Variants in CDH18 observed in about 807,000 individuals in gnomAD.
The protein encoded by CDH18 is cadherin 18, also known as cadherin-18.
A neutral mutation model predicts 67.9 loss-of-function variants in CDH18; 31 were observed. That is an observed-to-expected ratio of 0.46 (90% CI 0.34 to 0.62). The LOEUF (loss-of-function observed/expected upper bound fraction) is 0.62, where lower values mean the gene tolerates loss of function less well. Among genes scored for constraint, CDH18 ranks in the 20% least tolerant of loss-of-function variants. The pLI is 0.01. For missense variants in CDH18, 890 were observed against 975.5 expected (o/e 0.91, Z 1.17); for synonymous variants, 362 against 347.2 (o/e 1.04, Z -0.48).
At chr5:19,704,506 G>C (rs187163629) in intron 5 of CDH18, among the ~76,000 whole-genome samples, 23 of 152,264 alleles carry the variant, frequency 1.5e-4, no homozygotes, top group Admixed American at 5.2e-4. Flanking sequence ...TACGTGAAGA[G>C]GGGTATGTCC....
intron 1 of CDH18, among the ~76,000 whole-genome samples, chr5:20,311,756 C>T (rs1479744312): frequency 6.6e-6 from 1 of 152,094 alleles, no homozygotes; most frequent in Non-Finnish European, 1.5e-5. Context: ...AACAAAACTG[C>T]ACTTTCTGTG....
In CDH18 at chr5:19,741,865, A is replaced by T. The variant is rs149615590; in HGVS notation, c.523+5077T>A. On this transcript the variant is annotated intron_variant, in intron 4 of 12. Transcript: ENST00000382275. ...TTGTGGGAGGAACACCACCGCATTT[A>T]TTAGGTACAGGCCATGACTGCTACT... 5.5e-3 allele frequency among the ~76,000 whole-genome samples: 839 copies of T among 152,214 alleles called. 2 individuals carry two copies. Among genetic ancestry groups the T allele is most frequent in the African/African-American group, 0.019 (807 of 41,536 alleles).
chr5:19,631,324 G>A (rs1752384028), intron 5 of CDH18, among the ~76,000 whole-genome samples: 1 of 152,030 alleles, frequency 6.6e-6, no homozygotes, highest in Non-Finnish European at 1.5e-5. Context: ...GAAACATAAT[G>A]CTTTTCCATT....
At chr5:20,332,812 C>T (rs1019698865) in intron 1 of CDH18, among the ~76,000 whole-genome samples, 4 of 152,040 alleles carry the variant, frequency 2.6e-5, no homozygotes, top group African/African-American at 9.7e-5. Context: ...GCTGAAAAGT[C>T]TTCTGAAAAC....
intron 1 of CDH18, among the ~76,000 whole-genome samples, chr5:20,282,139 T>A (rs1026297518): frequency 6.6e-6 from 1 of 152,186 alleles, no homozygotes; most frequent in Admixed American, 6.5e-5. Flanking sequence ...TTTCTAGATA[T>A]ACAATCATGT....
At chr5:20,076,183 T>G (rs999776693) in intron 2 of CDH18, among the ~76,000 whole-genome samples, 1 of 152,300 alleles carries the variant, frequency 6.6e-6, no homozygotes, top group South Asian at 2.1e-4. Flanking sequence ...TGTTATACAA[T>G]GTACATTTAT....
chr5:19,716,555 A>G lies in CDH18; in HGVS notation c.643+4792T>C, dbSNP rs529018066. 1.1e-3 allele frequency among the ~76,000 whole-genome samples: 164 copies of G among 152,098 alleles called. 1 individual carries two copies. The highest frequency in any genetic ancestry group is 3.9e-3 in the African/African-American group (160 of 41,518). ...TGATAGTCATTATTAGGTGTAGGGA[A>G]TTTTACTTGATGCTAAGTGTTCTTA... is the stretch of plus-strand genomic sequence containing the variant. On this transcript the variant is annotated intron_variant, in intron 5 of 12. Transcript: ENST00000382275.
At position 19,944,794 on chromosome 5, in the gene CDH18, T is replaced by C. The variant is rs183739027; in HGVS notation, c.-257+36266A>G. Among the ~76,000 whole-genome samples, 9 of 152,186 alleles carry C rather than the reference T, an allele frequency of 5.9e-5. No homozygotes were observed. The East Asian group carries it at 1.7e-3, about 29-fold the overall frequency. ...TTTAACTACTCAAGAAATGACACAATAGACAGCCATAAAAGGATTCCAAAA... is the reference window on the plus strand; with the variant it reads ...TTTAACTACTCAAGAAATGACACAACAGACAGCCATAAAAGGATTCCAAAA... On this transcript the variant is annotated intron_variant, in intron 2 of 12. Coordinates refer to ENST00000382275, the MANE Select transcript of CDH18 (RefSeq NM_004934.5).
intron 3 of CDH18, among the ~76,000 whole-genome samples, chr5:19,831,900 T>C (rs986908637): frequency 2.6e-5 from 4 of 152,072 alleles, no homozygotes; most frequent in Non-Finnish European, 5.9e-5. Context: ...ATGTGACACA[T>C]ATGCATAATG....
chr5:20,275,448 C>A (rs143723190), intron 1 of CDH18, among the ~76,000 whole-genome samples: 1 of 152,250 alleles, frequency 6.6e-6, no homozygotes, highest in East Asian at 1.9e-4. Context: ...AACTGTGAGT[C>A]AGGTAAACCT....
At chr5:20,540,113 ATTATGTGGTGGAC>A (rs1756970590) in intron 1 of CDH18, among the ~76,000 whole-genome samples, 1 of 152,110 alleles carries the variant, frequency 6.6e-6, no homozygotes, top group Non-Finnish European at 1.5e-5. Flanking sequence ...TTTTGACTAT[ATTATGTGGTGGAC>A]TTCTTAGAGA....
At chr5:20,210,755 T>C in intron 2 of CDH18, among the ~76,000 whole-genome samples, 1 of 152,004 alleles carries the variant, frequency 6.6e-6, no homozygotes, top group African/African-American at 2.4e-5. Flanking sequence ...TTGGACATAG[T>C]TTATTTCATT....
intron 10 of CDH18, among the ~76,000 whole-genome samples, chr5:19,505,336 C>A (rs1184674576): frequency 6.6e-6 from 1 of 152,066 alleles, no homozygotes; most frequent in Admixed American, 6.6e-5. Flanking sequence ...TTGCCCTGGC[C>A]AGAACTTCCA....
In CDH18 at chr5:19,721,339, G is replaced by T. The variant is rs1766063504; in HGVS notation, c.643+8C>A. 8 of 1,589,556 alleles carry T rather than the reference G, an allele frequency of 5.0e-6. No homozygotes were observed. Among genetic ancestry groups the T allele is most frequent in the Non-Finnish European group, 6.9e-6 (8 of 1,163,650 alleles). Reference sequence around the variant, plus strand: ...GCTTGCATGCGAGTTATGTGTAAATGCACTAACCTGTTTTAGGGTCGACGG... The same window carrying T: ...GCTTGCATGCGAGTTATGTGTAAATTCACTAACCTGTTTTAGGGTCGACGG... On this transcript the variant is annotated splice_region_variant and intron_variant, in intron 5 of 12. Coordinates refer to ENST00000382275, the MANE Select transcript of CDH18 (RefSeq NM_004934.5).
At chr5:20,373,884 T>C (rs961259291) in intron 1 of CDH18, among the ~76,000 whole-genome samples, 6 of 152,112 alleles carry the variant, frequency 3.9e-5, no homozygotes, top group African/African-American at 1.4e-4. Context: ...CAAAAAGAGA[T>C]TGGGATCTCT....
In CDH18 at chr5:19,484,838, G is replaced by A. The variant is rs111954665; in HGVS notation, c.1631-1286C>T. Reference sequence around the variant, plus strand: ...AATGGCATACTCCACTAACACCTGCGCTCCAAATGCCAATTCAACTCCAGG... The same window carrying A: ...AATGGCATACTCCACTAACACCTGCACTCCAAATGCCAATTCAACTCCAGG... On this transcript the variant is annotated intron_variant, in intron 11 of 12. Transcript: ENST00000382275. Among the ~76,000 whole-genome samples, 1,136 of 152,214 alleles carry A rather than the reference G, an allele frequency of 7.5e-3. 16 individuals are homozygous for A. Among genetic ancestry groups the A allele is most frequent in the African/African-American group, 0.026 (1,072 of 41,516 alleles).
intron 2 of CDH18, among the ~76,000 whole-genome samples, chr5:20,142,317 T>C (rs185812588): frequency 6.6e-6 from 1 of 152,120 alleles, no homozygotes; most frequent in Non-Finnish European, 1.5e-5. Flanking sequence ...TGGTGGTTCA[T>C]ACCTATAATC....
intron 7 of CDH18, among the ~76,000 whole-genome samples, chr5:19,574,199 G>C (rs1257781922): frequency 1.3e-5 from 2 of 152,166 alleles, no homozygotes; most frequent in Non-Finnish European, 2.9e-5. Flanking sequence ...CCCCTGGCAA[G>C]TTAGATGCCA....
At chr5:19,522,121 TA>T (rs1746995956) in intron 9 of CDH18, among the ~76,000 whole-genome samples, 2 of 152,006 alleles carry the variant, frequency 1.3e-5, no homozygotes, top group African/African-American at 4.8e-5. Flanking sequence ...TAAATTTTCA[TA>T]AAGATACAAT....
Sources: allele counts gnomAD v4.1 joint callset (sites outside exome capture counted in the v4.1 genomes callset), GRCh38; gene constraint gnomAD v4.1.1; transcripts MANE v1.5; gene names NCBI Gene and HGNC (gene_info 2026-07-23, HGNC 2026-07-21).